CTPS2: variants seen among roughly 807,000 people sequenced by gnomAD.
The protein encoded by CTPS2 is CTP synthase 2, also known as CTP synthase II.
CTPS2 carries 19 observed loss-of-function variants against 46.8 expected under a neutral mutation model. The observed-to-expected ratio is 0.41, with a 90% CI of 0.28 to 0.60. The LOEUF (loss-of-function observed/expected upper bound fraction) is 0.60. CTPS2 is among the 20% of genes least tolerant of loss of function. The pLI, the probability that CTPS2 is intolerant of heterozygous loss-of-function variation, is 0.35. For synonymous variants in CTPS2, 151 were observed against 165.2 expected (o/e 0.91, Z 0.66); for missense variants, 286 against 447.6 (o/e 0.64, Z 3.26).
At chrX:16,620,524 C>A (rs955789306) in intron 14 of CTPS2, among the ~76,000 whole-genome samples, 192 bp from the exon 15 acceptor site, 2 of 111,874 alleles carry the variant, frequency 1.8e-5, no homozygotes, top group African/African-American at 3.3e-5. Context: ...CTTTGAAAAC[C>A]TGAAGCACTT....
chrX:16,652,017 A>AT (rs1932666951), intron 13 of CTPS2, among the ~76,000 whole-genome samples: 2 of 105,300 alleles, frequency 1.9e-5, no homozygotes, highest in South Asian at 1.0e-3. Context: ...ATAGAGCAGG[A>AT]TGGGGGGGGC....
intron 10 of CTPS2, among the ~76,000 whole-genome samples, chrX:16,677,371 G>A (rs1379345794): frequency 9.0e-6 from 1 of 111,273 alleles, no homozygotes; most frequent in Non-Finnish European, 1.9e-5. Context: ...AATGGCCCTC[G>A]CCATCTGACG....
At position 16,670,713 on chromosome X, in the gene CTPS2, A is replaced by AT. The variant is rs34210288; in HGVS notation, c.1095-40dup. On this transcript the variant is annotated intron_variant, in intron 10 of 18. Coordinates refer to ENST00000359276, the MANE Select transcript of CTPS2 (RefSeq NM_175859.3). Reference sequence around the variant, plus strand: ...AAAATGAGGGTAAACTTGACTATCCATTTTTTTTTTAAACTAGTGTATTCA... The same window carrying AT: ...AAAATGAGGGTAAACTTGACTATCCATTTTTTTTTTTAAACTAGTGTATTCA... The AT allele has an allele frequency of 0.012, 11,608 of 933,042 alleles. 497 individuals carry two copies. In the African/African-American group the frequency reaches 0.17, roughly 14 times the overall value. 76.9% of individuals were successfully genotyped at this position (933,042 alleles called of 1,213,427 possible).
intron 4 of CTPS2, among the ~76,000 whole-genome samples, chrX:16,694,439 C>T (rs1407511011): frequency 9.0e-6 from 1 of 111,522 alleles, no homozygotes; most frequent in Non-Finnish European, 1.9e-5. Flanking sequence ...TGACCCCCCA[C>T]CTAAAGCAGC....
chrX:16,592,486 T>A (rs1162050953), intron 17 of CTPS2, among the ~76,000 whole-genome samples: 3 of 111,698 alleles, frequency 2.7e-5, no homozygotes, highest in Non-Finnish European at 5.6e-5. Context: ...CCACAGCACC[T>A]CCCTAGATCC....
intron 17 of CTPS2, 46 bp from the exon 18 acceptor site, chrX:16,590,908 C>T: frequency 1.1e-6 from 1 of 949,402 alleles, no homozygotes; most frequent in Non-Finnish European, 1.5e-6. Flanking sequence ...AAAAAAAAAC[C>T]TGGACAATTA....
intron 17 of CTPS2, among the ~76,000 whole-genome samples, chrX:16,603,482 C>T (rs970381974): frequency 2.7e-5 from 3 of 109,210 alleles, no homozygotes; most frequent in African/African-American, 1.0e-4. Flanking sequence ...AAAAATGTTC[C>T]TTTGCAAAGG....
At chrX:16,616,212 T>C (rs939250487) in intron 16 of CTPS2, among the ~76,000 whole-genome samples, 2 of 111,948 alleles carry the variant, frequency 1.8e-5, no homozygotes, top group African/African-American at 6.5e-5. Context: ...GTCTCATCAA[T>C]AGTAAATGTG....
At chrX:16,604,846 G>A (rs758509130) in intron 17 of CTPS2, among the ~76,000 whole-genome samples, 1 of 112,462 alleles carries the variant, frequency 8.9e-6, no homozygotes, top group Non-Finnish European at 1.9e-5. Flanking sequence ...TTTTATACGT[G>A]AGACAAATTG....
At position 16,588,471 on chromosome X, in the gene CTPS2, A is replaced by G. The variant is rs1470924796; in HGVS notation, c.*1346T>C. The G allele has an allele frequency of 9.0e-6, 1 of 111,698 alleles. No individual in the cohort carries two copies. Among genetic ancestry groups the G allele is most frequent in the Non-Finnish European group, 1.9e-5 (1 of 53,189 alleles). 9.2% of individuals were successfully genotyped at this position (111,698 alleles called of 1,213,427 possible). On this transcript the variant is annotated 3_prime_UTR_variant, in exon 19 of 19. Coordinates refer to ENST00000359276, the MANE Select transcript of CTPS2 (RefSeq NM_175859.3). ...GACTAAAGCCTCGAGGTTAGCAGGTATGGTGTCAATGAGGTAGTAGTATGG... is the reference window on the plus strand; with the variant it reads ...GACTAAAGCCTCGAGGTTAGCAGGTGTGGTGTCAATGAGGTAGTAGTATGG...
chrX:16,710,869 G>A (rs778188165), intron 1 of CTPS2, among the ~76,000 whole-genome samples: 5 of 112,037 alleles, frequency 4.5e-5, no homozygotes, highest in Middle Eastern at 4.6e-3. Context: ...CGCCCACCTC[G>A]GCCTCCCAAA....
At chrX:16,638,754 G>T in intron 14 of CTPS2, 1 of 330,311 alleles carries the variant, frequency 3.0e-6, no homozygotes. Flanking sequence ...CAGGCAAACA[G>T]ACATTAAACA....
rs997714844 is a variant in CTPS2, at chrX:16,700,477, G to A, written c.167-1384C>T. ...GTTTGCCAGGCTGGGTAGGAGAATC[G>A]CTTGAACCTGGGAGGCGGAGGTTGC... On this transcript the variant is annotated intron_variant, in intron 2 of 18. Coordinates refer to ENST00000359276, the MANE Select transcript of CTPS2 (RefSeq NM_175859.3). Among the ~76,000 whole-genome samples the A allele has an allele frequency of 8.7e-5, 9 of 103,230 alleles. No homozygotes were observed. In the East Asian group the frequency reaches 2.8e-3, roughly 33 times the overall value. 89.6% of individuals were successfully genotyped at this position (103,230 alleles called of 115,157 possible). A position where few individuals can be genotyped will look rare whatever the true frequency, so the allele number is the denominator to read the frequency against.
chrX:16,682,494 A>T (rs753255716), intron 9 of CTPS2, among the ~76,000 whole-genome samples: 1 of 111,898 alleles, frequency 8.9e-6, no homozygotes, highest in East Asian at 2.8e-4. Flanking sequence ...CAAAAAAGGA[A>T]AAAAGAAAAC....
chrX:16,628,294 G>T (rs1427004027), intron 14 of CTPS2, among the ~76,000 whole-genome samples: 1 of 111,211 alleles, frequency 9.0e-6, no homozygotes, highest in Non-Finnish European at 1.9e-5. Flanking sequence ...TAATACATCT[G>T]AGTTGAAAAA....
intron 13 of CTPS2, among the ~76,000 whole-genome samples, chrX:16,659,899 C>T (rs190195156): frequency 9.0e-6 from 1 of 111,490 alleles, no homozygotes; most frequent in African/African-American, 3.3e-5. Flanking sequence ...TGCCCTTTGA[C>T]CAACATCTCC....
chrX:16,645,510 C>A lies in CTPS2; in HGVS notation c.1297-6267G>T, dbSNP rs142020855. On this transcript the variant is annotated intron_variant, in intron 13 of 18. Coordinates refer to ENST00000359276, the MANE Select transcript of CTPS2 (RefSeq NM_175859.3). ...CTGCCTGACAGAGTCCTGCCTCTAACCTGAAGCAGTTTATTTCCCATTTCT... is the reference window on the plus strand; with the variant it reads ...CTGCCTGACAGAGTCCTGCCTCTAAACTGAAGCAGTTTATTTCCCATTTCT... Among the ~76,000 whole-genome samples, 272 of 111,678 alleles carry A rather than the reference C, an allele frequency of 2.4e-3. 2 individuals carry two copies. Among genetic ancestry groups the A allele is most frequent in the African/African-American group, 8.0e-3 (245 of 30,735 alleles).
chrX:16,685,821 C>T (rs1358046788), intron 8 of CTPS2, among the ~76,000 whole-genome samples: 2 of 99,046 alleles, frequency 2.0e-5, no homozygotes, highest in Non-Finnish European at 4.0e-5. Flanking sequence ...GAGCTGAGAT[C>T]GCACCACTGC....
At chrX:16,616,055 C>T (rs1930510376) in intron 16 of CTPS2, among the ~76,000 whole-genome samples, 2 of 111,993 alleles carry the variant, frequency 1.8e-5, no homozygotes, top group Admixed American at 9.5e-5. Flanking sequence ...AGCTCATAAG[C>T]TGGCTGTAAA....
Sources: gnomAD v4.1 joint callset for allele counts (sites outside exome capture counted in the v4.1 genomes callset) on GRCh38, gnomAD v4.1.1 for gene constraint, MANE v1.5 for transcripts, NCBI Gene and HGNC (gene_info 2026-07-23, HGNC 2026-07-21) for gene names.